The following KCNN1 variants were observed in gnomAD, a reference collection of about 807,000 sequenced individuals.
KCNN1 encodes small conductance calcium-activated potassium channel protein 1.
A neutral mutation model predicts 44.7 loss-of-function variants in KCNN1; 20 were observed. The observed-to-expected ratio is 0.45, with a 90% confidence interval of 0.32 to 0.65. The LOEUF (loss-of-function observed/expected upper bound fraction) is 0.65, where lower values mean the gene tolerates loss of function less well. Ranked by LOEUF, KCNN1 falls within the 30% of genes least tolerant of loss-of-function variation. KCNN1 has a pLI of 0.05. For synonymous variants in KCNN1, 324 were observed against 341.7 expected, an observed-to-expected ratio of 0.95 and a Z score of 0.57; for missense variants, 632 against 785.3, an observed-to-expected ratio of 0.80 and a Z score of 2.33.
intron 3 of KCNN1, among the ~76,000 whole-genome samples, 171 bp from the exon 4 acceptor site, chr19:17,981,538 G>A (rs1236932554): frequency 7.0e-6 from 1 of 142,074 alleles, no homozygotes; most frequent in Non-Finnish European, 1.5e-5. Flanking sequence ...GGCGATAAGA[G>A]CAAAACTCCA....
At chr19:17,986,305 G>T in intron 5 of KCNN1, among the ~76,000 whole-genome samples, 1 of 151,928 alleles carries the variant, frequency 6.6e-6, no homozygotes, top group East Asian at 1.9e-4. Context: ...AGAGGTTGTG[G>T]TGAGCGGAGA....
In KCNN1 at chr19:17,989,767, C is replaced by T. The variant is rs750178164; in HGVS notation, c.1222C>T (p.His408Tyr). ...CAGGGAGACGTGGCTCATCTACAAA[C>T]ATACCAGGCTGGTGAAGAAGCCAGA... ...VLRETWLIYK[H>Y]TRLVKKPDQA... The change falls in exon 7 of 10, where the codon CAT becomes TAT. Residue 408 changes from histidine (H) to tyrosine (Y), a missense_variant. His to Tyr is a moderately conservative substitution (Grantham distance 83, BLOSUM62 2). Transcript: ENST00000684775. 1.2e-5 allele frequency: 19 copies of T among 1,613,836 alleles called. No individual in the cohort carries two copies. The highest frequency in any genetic ancestry group is 1.5e-5 in the Non-Finnish European group (18 of 1,179,888).
chr19:17,994,894 T>C (rs1220653260), intron 9 of KCNN1, among the ~76,000 whole-genome samples: 1 of 152,226 alleles, frequency 6.6e-6, no homozygotes, highest in Non-Finnish European at 1.5e-5. Context: ...ACTGGACCAG[T>C]TGCAATTAAT....
At chr19:17,960,490 C>T (rs745315616) in intron 2 of KCNN1, among the ~76,000 whole-genome samples, 23 of 151,888 alleles carry the variant, frequency 1.5e-4, no homozygotes, top group Non-Finnish European at 2.5e-4. Flanking sequence ...ATTAGCCAGG[C>T]GTGGTGGTGG....
At chr19:17,990,819 GAAAA>G (rs2032767690) in intron 7 of KCNN1, among the ~76,000 whole-genome samples, 1 of 143,064 alleles carries the variant, frequency 7.0e-6, no homozygotes, top group East Asian at 2.0e-4. Context: ...AAAAAAGAAA[GAAAA>G]AGAAAAAAAA....
At chr19:17,995,864 G>T (rs1322957000) in intron 9 of KCNN1, among the ~76,000 whole-genome samples, 1 of 152,096 alleles carries the variant, frequency 6.6e-6, no homozygotes, top group East Asian at 1.9e-4. Flanking sequence ...GGGATTACAG[G>T]CATAAGCCAC....
In KCNN1 at chr19:17,974,272, C is replaced by T. The variant is rs1387823097; in HGVS notation, c.384C>T (p.Ser128=). 3.8e-6 allele frequency: 6 copies of T among 1,581,550 alleles called. No homozygotes were observed. The highest frequency in any genetic ancestry group is 5.2e-6 in the Non-Finnish European group (6 of 1,161,246). ...IVVMVTETEL[S]WGVYTKESLY... ...TCATGGTGACGGAGACCGAGCTGTC[C>T]TGGGGGGTGTACACCAAGGTAGGCG... The change falls in exon 2 of 10, where the codon TCC becomes TCT. Residue 128 remains serine (S), a synonymous_variant. Transcript: ENST00000684775. This position sits in a 1 kb window ranked among gnomAD's most constrained non-coding sequence, Gnocchi z 7.3.
At chr19:17,960,487 A>G (rs1320848673) in intron 2 of KCNN1, among the ~76,000 whole-genome samples, 1 of 151,700 alleles carries the variant, frequency 6.6e-6, no homozygotes, top group South Asian at 2.1e-4. Context: ...AAAATTAGCC[A>G]GGCGTGGTGG....
Position 17,993,124 on chromosome 19 carries a change from C to T in KCNN1, c.1307+62C>T. 6.2e-7 allele frequency: 1 copy of T among 1,600,188 alleles called. No homozygotes were observed. The highest frequency in any genetic ancestry group is 8.6e-7 in the Non-Finnish European group (1 of 1,168,700). On this transcript the variant is annotated intron_variant, in intron 8 of 9. Coordinates refer to ENST00000684775, the MANE Select transcript of KCNN1 (RefSeq NM_001386974.1). The surrounding 1 kb of genome is among the most constrained non-coding windows in gnomAD (Gnocchi z 4.5). ...ATCGGGGGTGCATGGTGGTCACAGA[C>T]AGGGGGTACACCCGGGGCATGCCAA...
chr19:17,980,872 C>T (rs1258072181), intron 3 of KCNN1, among the ~76,000 whole-genome samples: 1 of 152,030 alleles, frequency 6.6e-6, no homozygotes, highest in African/African-American at 2.4e-5. Flanking sequence ...CACCACTGCA[C>T]TCCAGCCCGG....
In KCNN1 at chr19:17,999,132, TC is replaced by T. The variant is rs1314171791; in HGVS notation, c.*728del. ...TGATGATGTCAATTACCACACTGAT[TC>T]CTCATCAGAACTTGACCATGGTGGG... On this transcript the variant is annotated 3_prime_UTR_variant, in exon 10 of 10. Transcript: ENST00000684775. The T allele has an allele frequency of 1.3e-5, 2 of 152,366 alleles. No individual in the cohort carries two copies. Among genetic ancestry groups the T allele is most frequent in the Non-Finnish European group, 2.9e-5 (2 of 68,096 alleles). The allele number at this position is 152,366 out of a possible 1,614,324, so 9.4% of individuals were successfully genotyped here.
chr19:17,978,053 T>C (rs1343698257), intron 3 of KCNN1, among the ~76,000 whole-genome samples: 1 of 151,916 alleles, frequency 6.6e-6, no homozygotes, highest in African/African-American at 2.4e-5. Context: ...AGAAGAGGTG[T>C]ACTAAATCCC....
At chr19:17,985,806 C>A (rs2145955807) in intron 5 of KCNN1, among the ~76,000 whole-genome samples, 1 of 152,344 alleles carries the variant, frequency 6.6e-6, no homozygotes, top group Middle Eastern at 3.4e-3. Context: ...GGATCCAGGG[C>A]AAGGGGCTTG....
chr19:17,969,038 C>G (rs1337844083), intron 1 of KCNN1, among the ~76,000 whole-genome samples: 1 of 152,126 alleles, frequency 6.6e-6, no homozygotes, highest in Non-Finnish European at 1.5e-5. Flanking sequence ...AAAACATACC[C>G]TTTCATGGGC....
intron 1 of KCNN1, among the ~76,000 whole-genome samples, chr19:17,968,487 G>A (rs1222994300): frequency 1.3e-5 from 2 of 152,072 alleles, no homozygotes; most frequent in African/African-American, 2.4e-5. Context: ...GCAGTAACTT[G>A]CTCCCTGGCA....
At position 17,981,871 on chromosome 19, in the gene KCNN1, G is replaced by A; in HGVS notation, c.661G>A (p.Val221Met). The A allele has an allele frequency of 6.2e-7, 1 of 1,612,528 alleles. No homozygotes were observed. The highest frequency in any genetic ancestry group is 8.5e-7 in the Non-Finnish European group (1 of 1,179,120). The change falls in exon 4 of 10, where the codon GTG becomes ATG. Residue 221 changes from valine (V) to methionine (M), a missense_variant. Physicochemically the swap from Val to Met is conservative, Grantham distance 21. Transcript: ENST00000684775. ...GCTGGCCTTCACGTACGCGCCCTCGGTGGCCGAGGCCGACGTGGACGTGCT... is the reference window on the plus strand; with the variant it reads ...GCTGGCCTTCACGTACGCGCCCTCGATGGCCGAGGCCGACGTGGACGTGCT... ...ARLAFTYAPS[V>M]AEADVDVLLS...
intron 1 of KCNN1, among the ~76,000 whole-genome samples, chr19:17,953,450 G>A (rs2031467582): frequency 6.6e-6 from 1 of 152,194 alleles, no homozygotes; most frequent in Non-Finnish European, 1.5e-5. Flanking sequence ...GCAGCTGGGG[G>A]TTTCCCCTTC....
In KCNN1 at chr19:17,998,649, G is replaced by A. The variant is rs573126477; in HGVS notation, c.*243G>A. Reference sequence around the variant, plus strand: ...CCCGACTCTCCCCAGGCCCCCGGTGGGCATGGAGCAGCCCGGGGAGGGGTC... The same window carrying A: ...CCCGACTCTCCCCAGGCCCCCGGTGAGCATGGAGCAGCCCGGGGAGGGGTC... On this transcript the variant is annotated 3_prime_UTR_variant, in exon 10 of 10. Transcript: ENST00000684775. This position sits in a 1 kb window ranked among gnomAD's most constrained non-coding sequence, Gnocchi z 5.4. 70 of 456,254 alleles carry A rather than the reference G, an allele frequency of 1.5e-4. No individual in the cohort carries two copies. In the East Asian group the frequency reaches 2.3e-3, roughly 15 times the overall value. 28.3% of individuals were successfully genotyped at this position (456,254 alleles called of 1,614,324 possible).
chr19:17,979,590 A>G (rs1417062944), intron 3 of KCNN1, among the ~76,000 whole-genome samples: 2 of 151,580 alleles, frequency 1.3e-5, no homozygotes, highest in Admixed American at 1.3e-4. Flanking sequence ...CAGCTCCAAT[A>G]TGATTGGTCC....
Sources: gnomAD v4.1 joint callset for allele counts (sites outside exome capture counted in the v4.1 genomes callset) on GRCh38, gnomAD v4.1.1 for gene constraint, Gnocchi (gnomAD v3.1) non-coding constraint, MANE v1.5 for transcripts, NCBI Gene and HGNC (gene_info 2026-07-23, HGNC 2026-07-21) for gene names.